The following AHCYL1 variants were observed in gnomAD, a reference collection of about 807,000 sequenced individuals.
AHCYL1 encodes S-adenosylhomocysteine hydrolase-like protein 1.
AHCYL1 carries 20 observed loss-of-function variants against 79.3 expected under a neutral mutation model. The ratio of observed to expected loss-of-function variants is 0.25; its 90% CI spans 0.18 to 0.37. AHCYL1 has a LOEUF of 0.37. Among genes scored for constraint, AHCYL1 ranks in the 10% least tolerant of loss-of-function variants. The pLI, the probability that AHCYL1 is intolerant of heterozygous loss-of-function variation, is 1.00. For synonymous variants in AHCYL1, 223 were observed against 242.2 expected (o/e 0.92, Z 0.74); for missense variants, 330 against 673.6 (o/e 0.49, Z 5.65).
chr1:110,023,714 T>C lies in AHCYL1; in HGVS notation c.*2034T>C, dbSNP rs1651942094. The C allele has an allele frequency of 6.6e-6, 1 of 152,660 alleles. No individual in the cohort carries two copies. The highest frequency in any genetic ancestry group is 1.5e-5 in the Non-Finnish European group (1 of 68,032). The allele number at this position is 152,660 out of a possible 1,614,324, so 9.5% of individuals were successfully genotyped here. A position where few individuals can be genotyped will look rare whatever the true frequency, so the allele number is the denominator to read the frequency against. On this transcript the variant is annotated 3_prime_UTR_variant, in exon 17 of 17. Coordinates refer to ENST00000369799, the MANE Select transcript of AHCYL1 (RefSeq NM_006621.7). ...AATCCTTGCAGATGAGCAATAATCA[T>C]TAAAATCGATTAAAATGATAAGACC...
At position 109,984,917 on chromosome 1, in the gene AHCYL1, G is replaced by A. The variant is rs1649379768; in HGVS notation, c.-136G>A. On this transcript the variant is annotated 5_prime_UTR_variant, in exon 1 of 17. Transcript: ENST00000369799. ...CGTGGGCCACAGCACCTCAGAAGCCGACGCAGCTCGACGCAGGGGCCGGCA... is the reference window on the plus strand; with the variant it reads ...CGTGGGCCACAGCACCTCAGAAGCCAACGCAGCTCGACGCAGGGGCCGGCA... 2 of 1,294,078 alleles carry A rather than the reference G, an allele frequency of 1.5e-6. No homozygotes were observed. Among genetic ancestry groups the A allele is most frequent in the Admixed American group, 4.2e-5 (1 of 23,588 alleles). 80.2% of individuals were successfully genotyped at this position (1,294,078 alleles called of 1,614,324 possible).
At chr1:110,003,853 TTA>T (rs1334659441) in intron 1 of AHCYL1, 2 of 907,720 alleles carry the variant, frequency 2.2e-6, no homozygotes, top group African/African-American at 3.6e-5. Context: ...TTCTAACTTC[TTA>T]TGTTTACTTC....
chr1:109,995,899 G>T (rs1650003140), intron 1 of AHCYL1, among the ~76,000 whole-genome samples: 1 of 152,162 alleles, frequency 6.6e-6, no homozygotes, highest in South Asian at 2.1e-4. Context: ...AGCAAGACTG[G>T]CCAACATTGT....
intron 1 of AHCYL1, among the ~76,000 whole-genome samples, chr1:109,990,787 G>T (rs1649718063): frequency 6.6e-6 from 1 of 152,086 alleles, no homozygotes; most frequent in Non-Finnish European, 1.5e-5. Flanking sequence ...TCAGACACTG[G>T]GCCAGTCTCA....
chr1:109,984,894 TG>T lies in AHCYL1; in HGVS notation c.-156del. The T allele has an allele frequency of 8.5e-7, 1 of 1,176,998 alleles. No individual in the cohort carries two copies. Among genetic ancestry groups the T allele is most frequent in the Non-Finnish European group, 1.1e-6 (1 of 920,624 alleles). The allele number at this position is 1,176,998 out of a possible 1,614,324, so 72.9% of individuals were successfully genotyped here. On this transcript the variant is annotated 5_prime_UTR_variant, in exon 1 of 17. Coordinates refer to ENST00000369799, the MANE Select transcript of AHCYL1 (RefSeq NM_006621.7). The stretch of plus-strand genomic sequence containing the variant: ...CTTGGGCTGCCGAACAGACAAGGCG[TG>T]GGCCACAGCACCTCAGAAGCCGACG...
chr1:110,006,059 A>T (rs1650634666), intron 1 of AHCYL1, among the ~76,000 whole-genome samples: 1 of 152,174 alleles, frequency 6.6e-6, no homozygotes, highest in African/African-American at 2.4e-5. Context: ...CTGATATTTA[A>T]TTGGGTTTTT....
chr1:110,011,362 A>G lies in AHCYL1; in HGVS notation c.376+5A>G, dbSNP rs542340005. ...AGATTGAGATTGCAGAGCAAGGTAA[A>G]GAAAGGGAGTGGGTTAGGGGACCAG... On this transcript the variant is annotated splice_donor_5th_base_variant and intron_variant, in intron 3 of 16. Transcript: ENST00000369799. 25 of 1,613,948 alleles carry G rather than the reference A, an allele frequency of 1.5e-5. No individual in the cohort carries two copies. In the South Asian group the frequency reaches 2.4e-4, roughly 16 times the overall value.
chr1:110,012,582 T>C, intron 4 of AHCYL1, 120 bp downstream of exon 4: 1 of 807,888 alleles, frequency 1.2e-6, no homozygotes, highest in Non-Finnish European at 1.8e-6. Context: ...TAATAGGATC[T>C]CCCTGTTACA....
chr1:110,011,501 C>G lies in AHCYL1; in HGVS notation c.376+144C>G, dbSNP rs183235669. ...TATGGACTTTCGGATAAACACTTCT[C>G]TCTCTATGGAACTTAAGTCTTGGGA... On this transcript the variant is annotated intron_variant, in intron 3 of 16. Transcript: ENST00000369799. 1.7e-5 allele frequency: 19 copies of G among 1,142,432 alleles called. No homozygotes were observed. In the East Asian group the frequency reaches 4.5e-4, roughly 27 times the overall value. 70.8% of individuals were successfully genotyped at this position (1,142,432 alleles called of 1,614,324 possible).
At chr1:110,018,069 G>A (rs972307300) in intron 11 of AHCYL1, 53 bp downstream of exon 11, 1 of 1,571,240 alleles carries the variant, frequency 6.4e-7, no homozygotes, top group African/African-American at 1.3e-5. Flanking sequence ...CTTGAAAGTA[G>A]TCTGAGTGAC....
chr1:110,015,575 C>T, intron 7 of AHCYL1, 44 bp downstream of exon 7: 1 of 1,499,418 alleles, frequency 6.7e-7, no homozygotes, highest in Non-Finnish European at 9.3e-7. Context: ...CTTGCCTCAG[C>T]AAACTCTCCT....
chr1:109,988,392 TGAA>T (rs1271648356), intron 1 of AHCYL1, among the ~76,000 whole-genome samples: 1 of 152,218 alleles, frequency 6.6e-6, no homozygotes, highest in Admixed American at 6.5e-5. Context: ...GTACCACAAC[TGAA>T]GAAGATCCTT....
intron 1 of AHCYL1, chr1:110,004,397 G>GC: frequency 1.0e-6 from 1 of 985,496 alleles, no homozygotes; most frequent in South Asian, 4.7e-5. Flanking sequence ...ACTGGAGGTG[G>GC]CTGTGGATTC....
At chr1:110,004,022 T>A (rs918690691) in intron 1 of AHCYL1, 1 of 985,412 alleles carries the variant, frequency 1.0e-6, no homozygotes, top group Non-Finnish European at 1.2e-6. Flanking sequence ...AGCTGTGTGT[T>A]CCTTACCTTT....
intron 2 of AHCYL1, among the ~76,000 whole-genome samples, chr1:110,011,012 G>A (rs1640721313): frequency 1.3e-5 from 2 of 152,170 alleles, no homozygotes; most frequent in Non-Finnish European, 2.9e-5. Flanking sequence ...GGGTGAAAGA[G>A]CTGCAACATG....
chr1:109,999,790 C>T lies in AHCYL1; in HGVS notation c.121-9244C>T, dbSNP rs1166114011. On this transcript the variant is annotated intron_variant, in intron 1 of 16. Coordinates refer to ENST00000369799, the MANE Select transcript of AHCYL1 (RefSeq NM_006621.7). ...TTTATTTTTTGGAGACAGGGTCTTG[C>T]TCTGTTGCCCTGGAGTACACTGGCA... 2.0e-5 allele frequency among the ~76,000 whole-genome samples: 3 copies of T among 151,568 alleles called. No homozygotes were observed. The East Asian group carries it at 5.8e-4, about 29-fold the overall frequency.
intron 9 of AHCYL1, among the ~76,000 whole-genome samples, chr1:110,016,982 A>G (rs573084737): frequency 6.6e-6 from 1 of 152,360 alleles, no homozygotes; most frequent in African/African-American, 2.4e-5. Flanking sequence ...AATTATAACA[A>G]TAACCTTTAA....
At chr1:109,996,203 A>G (rs1396250246) in intron 1 of AHCYL1, among the ~76,000 whole-genome samples, 2 of 152,156 alleles carry the variant, frequency 1.3e-5, no homozygotes, top group Non-Finnish European at 2.9e-5. Context: ...GAGCAAGACT[A>G]TGTCTCAAAA....
intron 1 of AHCYL1, among the ~76,000 whole-genome samples, chr1:109,988,413 G>A (rs1369849489): frequency 6.6e-6 from 1 of 152,216 alleles, no homozygotes; most frequent in Non-Finnish European, 1.5e-5. Flanking sequence ...CTTGTTTAAT[G>A]TTGGCAGTTA....
Sources: allele counts gnomAD v4.1 joint callset (sites outside exome capture counted in the v4.1 genomes callset), GRCh38; gene constraint gnomAD v4.1.1; transcripts MANE v1.5; gene names NCBI Gene and HGNC (gene_info 2026-07-23, HGNC 2026-07-21).